Variants in MRPS28 observed in about 807,000 individuals in gnomAD.
MRPS28 encodes small ribosomal subunit protein bS1m.
Under a neutral mutation model 10.8 loss-of-function variants are expected in MRPS28, and 7 were observed. The observed-to-expected ratio is 0.65, with a 90% CI of 0.37 to 1.22. MRPS28 has a LOEUF of 1.22. Ranked by LOEUF, MRPS28 falls within the 50% of genes most tolerant of loss-of-function variation. The pLI, the probability that MRPS28 is intolerant of heterozygous loss-of-function variation, is 0.02. For missense variants in MRPS28, 265 were observed against 232.9 expected (o/e 1.14, Z -0.90); for synonymous variants, 121 against 93.3 (o/e 1.30, Z -1.71).
In MRPS28 at chr8:79,932,311, C is replaced by T. The variant is rs143814732; in HGVS notation, c.396-13163G>A. Among the ~76,000 whole-genome samples, 15 of 152,258 alleles carry T rather than the reference C, an allele frequency of 9.9e-5. No homozygotes were observed. The East Asian group carries it at 2.9e-3, about 29-fold the overall frequency. On this transcript the variant is annotated intron_variant, in intron 2 of 2. Coordinates refer to ENST00000276585, the MANE Select transcript of MRPS28 (RefSeq NM_014018.3). ...TATGTTAGAGAGGACTAGGGAACAA[C>T]AGTAGACTGGGTGGTGAAGGAAGGC... is the stretch of plus-strand genomic sequence containing the variant.
At chr8:79,988,614 T>C (rs984092856) in intron 2 of MRPS28, among the ~76,000 whole-genome samples, 7 of 152,240 alleles carry the variant, frequency 4.6e-5, no homozygotes, top group East Asian at 1.9e-4. Context: ...TGGATATGTA[T>C]AAATGGAGAC....
At chr8:80,021,042 C>A (rs1332531419) in intron 1 of MRPS28, among the ~76,000 whole-genome samples, 11 of 149,830 alleles carry the variant, frequency 7.3e-5, no homozygotes, top group Admixed American at 6.6e-4. Context: ...CTCTTTCTGG[C>A]GCTAGGCTGG....
rs773055667 is a variant in MRPS28 at position 79,919,111 on chromosome 8, A to G, written c.433T>C (p.Leu145=). The G allele has an allele frequency of 1.2e-6, 2 of 1,606,972 alleles. No individual in the cohort carries two copies. Among genetic ancestry groups the G allele is most frequent in the Admixed American group, 3.4e-5 (2 of 58,704 alleles). ...QKGTRVRLRL[L]DLELTSRFLG... ...AACCTAGACGTAAGTTCAAGATCTA[A>G]TAGCCGCAACCGGACCCTGGTTCCT... is the stretch of plus-strand genomic sequence containing the variant. The change falls in exon 3 of 3, where the codon TTA becomes CTA. Residue 145 remains leucine (L), a synonymous_variant. Coordinates refer to ENST00000276585, the MANE Select transcript of MRPS28 (RefSeq NM_014018.3).
intron 2 of MRPS28, among the ~76,000 whole-genome samples, chr8:79,961,598 A>G (rs745682049): frequency 2.0e-5 from 3 of 152,178 alleles, no homozygotes; most frequent in Admixed American, 6.6e-5. Context: ...GAATATTTCT[A>G]TTTAGTGAAG....
chr8:79,944,708 T>G (rs1337992727), intron 2 of MRPS28, among the ~76,000 whole-genome samples: 9 of 150,320 alleles, frequency 6.0e-5, no homozygotes, highest in Non-Finnish European at 1.2e-4. Context: ...TTTCTTTTTT[T>G]TTTTTGAGAC....
chr8:79,988,092 A>AG (rs1429268372), intron 2 of MRPS28, among the ~76,000 whole-genome samples: 9 of 152,048 alleles, frequency 5.9e-5, no homozygotes, highest in African/African-American at 2.2e-4. Context: ...CTATGCAGCC[A>AG]TAAAAAATGA....
intron 2 of MRPS28, among the ~76,000 whole-genome samples, chr8:79,948,185 C>T (rs1056377468): frequency 2.6e-5 from 4 of 151,868 alleles, no homozygotes; most frequent in South Asian, 2.1e-4. Context: ...GACGGGGTTT[C>T]GCTGTGTTGG....
intron 1 of MRPS28, among the ~76,000 whole-genome samples, chr8:80,029,093 A>G (rs1371185974): frequency 6.6e-6 from 1 of 152,254 alleles, no homozygotes; most frequent in Non-Finnish European, 1.5e-5. Flanking sequence ...ATTTTAGACC[A>G]GTGAGATCCC....
chr8:80,028,645 C>CGGGCGGGGGGGGCGG (rs1554575871), intron 1 of MRPS28: 1 of 3,332 alleles, frequency 3.0e-4, no homozygotes, highest in African/African-American at 1.5e-3. Context: ...AAGCAGAAGA[C>CGGGCGGGGGGGGCGG]GGGCGGGGGG....
Position 79,918,856 on chromosome 8 carries a change from T to G in MRPS28, c.*124A>C. ...TGCTAAAGAAAATTCTAATAAGAGT[T>G]ATCTATAATTATAGCTTTTATTTAT... On this transcript the variant is annotated 3_prime_UTR_variant, in exon 3 of 3. Transcript: ENST00000276585. 1 of 712,540 alleles carries G rather than the reference T, an allele frequency of 1.4e-6. No individual in the cohort carries two copies. Among genetic ancestry groups the G allele is most frequent in the Non-Finnish European group, 2.0e-6 (1 of 490,874 alleles). 44.1% of individuals were successfully genotyped at this position (712,540 alleles called of 1,614,324 possible).
At chr8:79,986,226 AC>A (rs1296869289) in intron 2 of MRPS28, among the ~76,000 whole-genome samples, 5 of 152,158 alleles carry the variant, frequency 3.3e-5, no homozygotes, top group South Asian at 2.1e-4. Context: ...AAAATCAACA[AC>A]CCTTCATGCT....
intron 2 of MRPS28, among the ~76,000 whole-genome samples, chr8:79,990,839 T>A (rs1365517917): frequency 1.3e-5 from 2 of 149,824 alleles, no homozygotes; most frequent in African/African-American, 4.9e-5. Context: ...AAAAAAAAAT[T>A]CAAAATTAGC....
intron 1 of MRPS28, among the ~76,000 whole-genome samples, chr8:80,011,176 T>C (rs560106090): frequency 6.6e-6 from 1 of 150,892 alleles, no homozygotes; most frequent in South Asian, 2.1e-4. Context: ...CAAGAGCAGC[T>C]ACATAATCCT....
chr8:79,939,299 C>A (rs1402991720), intron 2 of MRPS28, among the ~76,000 whole-genome samples: 1 of 152,198 alleles, frequency 6.6e-6, no homozygotes, highest in African/African-American at 2.4e-5. Flanking sequence ...GTAATGCAAT[C>A]AAACATTTTC....
In MRPS28 at chr8:79,918,815, T is replaced by C. The variant is rs189271816; in HGVS notation, c.*165A>G. The C allele has an allele frequency of 1.2e-3, 356 of 288,576 alleles. 2 individuals carry two copies. The East Asian group carries it at 0.018, about 15-fold the overall frequency. The allele number at this position is 288,576 out of a possible 1,614,324, so 17.9% of individuals were successfully genotyped here. A position where few individuals can be genotyped will look rare whatever the true frequency, so the allele number is the denominator to read the frequency against. On this transcript the variant is annotated 3_prime_UTR_variant, in exon 3 of 3. Coordinates refer to ENST00000276585, the MANE Select transcript of MRPS28 (RefSeq NM_014018.3). ...AAAACATTAAGAGCAAAACAAGGGG[T>C]GGGGGGTGGGAATATTGCTAAAGAA...
chr8:79,947,207 T>A (rs781222752), intron 2 of MRPS28, among the ~76,000 whole-genome samples: 64 of 152,206 alleles, frequency 4.2e-4, no homozygotes, highest in Non-Finnish European at 7.6e-4. Flanking sequence ...AATGAAAAGA[T>A]AAAACACCTT....
chr8:80,030,090 C>T lies in MRPS28; in HGVS notation c.159G>A (p.Ala53=). The change falls in exon 1 of 3, where the codon GCG becomes GCA. Residue 53 remains alanine (A), a synonymous_variant. Coordinates refer to ENST00000276585, the MANE Select transcript of MRPS28 (RefSeq NM_014018.3). ...GCTCCGAGTGCCGCTCCAACGCGCT[C>T]GCGAAACCGCCTGCGCGCGTCTTAG... ...KEPKTRAGGF[A]SALERHSELL... is the part of the protein sequence containing the mutation. 1.2e-6 allele frequency: 2 copies of T among 1,613,724 alleles called. No individual in the cohort carries two copies. The highest frequency in any genetic ancestry group is 1.7e-6 in the Non-Finnish European group (2 of 1,179,818).
chr8:80,020,155 T>C (rs1018327399), intron 1 of MRPS28, among the ~76,000 whole-genome samples: 2 of 152,208 alleles, frequency 1.3e-5, no homozygotes, highest in South Asian at 4.1e-4. Context: ...TTATTATCAA[T>C]AGAAAGGAAT....
chr8:80,013,634 C>CAAAAAAAAAAAA (rs5892700), intron 1 of MRPS28, among the ~76,000 whole-genome samples: 107 of 75,478 alleles, frequency 1.4e-3, no homozygotes, highest in Non-Finnish European at 1.7e-3. Flanking sequence ...GACTCCATCT[C>CAAAAAAAAAAAA]AAAAAAAAAA....
Sources: allele counts gnomAD v4.1 joint callset (sites outside exome capture counted in the v4.1 genomes callset), GRCh38; gene constraint gnomAD v4.1.1; transcripts MANE v1.5; gene names NCBI Gene and HGNC (gene_info 2026-07-23, HGNC 2026-07-21).